The following CTTNBP2NL variants were observed in gnomAD, a reference collection of about 807,000 sequenced individuals.
CTTNBP2NL encodes CTTNBP2 N-terminal like.
Under a neutral mutation model 32.5 loss-of-function variants are expected in CTTNBP2NL, and 16 were observed. The observed-to-expected ratio is 0.49, with a 90% CI of 0.33 to 0.75. CTTNBP2NL has a LOEUF of 0.75. Among genes scored for constraint, CTTNBP2NL ranks in the 30% least tolerant of loss-of-function variants. The pLI is 0.02. For missense variants in CTTNBP2NL, 645 were observed against 756.0 expected, an observed-to-expected ratio of 0.85 and a Z score of 1.72; for synonymous variants, 298 against 289.4, an observed-to-expected ratio of 1.03 and a Z score of -0.30.
chr1:112,428,758 A>G (rs1212156679), intron 3 of CTTNBP2NL, among the ~76,000 whole-genome samples: 1 of 152,128 alleles, frequency 6.6e-6, no homozygotes, highest in Non-Finnish European at 1.5e-5. Context: ...ACCATACTGT[A>G]CTGTAATATT....
chr1:112,425,094 G>A (rs1003813531), intron 3 of CTTNBP2NL, among the ~76,000 whole-genome samples: 12 of 151,556 alleles, frequency 7.9e-5, no homozygotes, highest in Non-Finnish European at 1.6e-4. Context: ...CTCCCAAAGT[G>A]CTGGGATTAC....
intron 1 of CTTNBP2NL, among the ~76,000 whole-genome samples, chr1:112,402,135 C>G (rs965614935): frequency 3.9e-5 from 6 of 152,084 alleles, no homozygotes; most frequent in Admixed American, 1.3e-4. Flanking sequence ...AGGTGAGAGC[C>G]AGGCCAGGCA....
At chr1:112,393,952 A>G (rs1250561870), upstream of CTTNBP2NL, among the ~76,000 whole-genome samples, 4 of 152,192 alleles carry the variant, frequency 2.6e-5, no homozygotes, top group African/African-American at 9.7e-5. Context: ...TACGCCTGTC[A>G]TCCCAGCCAC....
Position 112,461,039 on chromosome 1 carries a change from A to G in CTTNBP2NL, c.*3627A>G, listed in dbSNP as rs549611894. 1 of 152,318 alleles carries G rather than the reference A, an allele frequency of 6.6e-6. No homozygotes were observed. Among genetic ancestry groups the G allele is most frequent in the African/African-American group, 2.4e-5 (1 of 41,576 alleles). 9.4% of individuals were successfully genotyped at this position (152,318 alleles called of 1,614,324 possible). ...AATGAATCAGAAGTGGGCAATGAGC[A>G]TTGTTCCACAGGAATAATTTTTAAT... On this transcript the variant is annotated 3_prime_UTR_variant, in exon 6 of 6. Coordinates refer to ENST00000271277, the MANE Select transcript of CTTNBP2NL (RefSeq NM_018704.3).
At chr1:112,416,293 C>T in intron 3 of CTTNBP2NL, 29 bp downstream of exon 3, 1 of 1,059,864 alleles carries the variant, frequency 9.4e-7, no homozygotes, top group Non-Finnish European at 1.4e-6. Flanking sequence ...AAAAAGAGGT[C>T]ATCATACATT....
chr1:112,407,283 G>T (rs186820531), intron 1 of CTTNBP2NL, among the ~76,000 whole-genome samples: 16 of 152,312 alleles, frequency 1.1e-4, no homozygotes, highest in Non-Finnish European at 2.1e-4. Flanking sequence ...CATGTTGTGT[G>T]AGTTTGCTAG....
At chr1:112,454,358 C>T (rs1650306940) in intron 4 of CTTNBP2NL, 91 bp from the exon 5 acceptor site, 1 of 895,220 alleles carries the variant, frequency 1.1e-6, no homozygotes, top group African/African-American at 1.7e-5. Flanking sequence ...CTGGAACTAT[C>T]TAAGGTGCCT....
At chr1:112,408,220 ATTTT>A (rs397981257) in intron 1 of CTTNBP2NL, among the ~76,000 whole-genome samples, 1 of 103,758 alleles carries the variant, frequency 9.6e-6, no homozygotes, top group Non-Finnish European at 1.9e-5. Context: ...TTTTTTTTTA[ATTTT>A]TTTTTTTTTT....
At chr1:112,421,159 C>T (rs532001907) in intron 3 of CTTNBP2NL, among the ~76,000 whole-genome samples, 2 of 152,028 alleles carry the variant, frequency 1.3e-5, no homozygotes, top group South Asian at 2.1e-4. Context: ...CTAATAAGGC[C>T]AGGCACTGTG....
At chr1:112,434,158 C>T (rs891506404) in intron 3 of CTTNBP2NL, among the ~76,000 whole-genome samples, 1 of 152,236 alleles carries the variant, frequency 6.6e-6, no homozygotes, top group Non-Finnish European at 1.5e-5. Context: ...CTCTCTTCCT[C>T]AGTGGGTGAT....
chr1:112,454,719 T>G lies in CTTNBP2NL; in HGVS notation c.438+163T>G, dbSNP rs112574932. Reference sequence around the variant, plus strand: ...AAAGTTAAACAGGTTTCTAACTTTGTTAGGATCTTTAGTATGCAGAAGCAC... The same window carrying G: ...AAAGTTAAACAGGTTTCTAACTTTGGTAGGATCTTTAGTATGCAGAAGCAC... On this transcript the variant is annotated intron_variant, in intron 5 of 5. Coordinates refer to ENST00000271277, the MANE Select transcript of CTTNBP2NL (RefSeq NM_018704.3). Among the ~76,000 whole-genome samples, 2,068 of 152,338 alleles carry G rather than the reference T, an allele frequency of 0.014. 44 individuals are homozygous for G. Among genetic ancestry groups the G allele is most frequent in the African/African-American group, 0.047 (1,953 of 41,558 alleles).
intron 1 of CTTNBP2NL, among the ~76,000 whole-genome samples, chr1:112,401,991 G>A (rs1207193879): frequency 3.3e-5 from 5 of 152,200 alleles, no homozygotes; most frequent in Admixed American, 3.3e-4. Context: ...GAAAGCACAG[G>A]ATGATGGGGT....
chr1:112,414,523 A>C (rs938839654), intron 2 of CTTNBP2NL, among the ~76,000 whole-genome samples: 2 of 152,198 alleles, frequency 1.3e-5, no homozygotes, highest in Non-Finnish European at 2.9e-5. Flanking sequence ...GAAGGAATCA[A>C]TTCTTTTTTT....
At chr1:112,393,251 G>A (rs530981832), upstream of CTTNBP2NL, among the ~76,000 whole-genome samples, 2,145 of 152,230 alleles carry the variant, frequency 0.014, 54 homozygotes, top group African/African-American at 0.048. Context: ...TATAGTTGAT[G>A]ACAGAATAAG....
At chr1:112,425,614 A>C (rs920874012) in intron 3 of CTTNBP2NL, among the ~76,000 whole-genome samples, 3 of 152,102 alleles carry the variant, frequency 2.0e-5, no homozygotes, top group Non-Finnish European at 4.4e-5. Context: ...CTATAATCCC[A>C]GTATTTTGGG....
At chr1:112,427,845 G>C (rs933284993) in intron 3 of CTTNBP2NL, among the ~76,000 whole-genome samples, 2 of 149,398 alleles carry the variant, frequency 1.3e-5, no homozygotes, top group African/African-American at 5.0e-5. Context: ...GCAGTGAGCC[G>C]AGATCGCGCC....
chr1:112,424,034 C>T (rs1452969215), intron 3 of CTTNBP2NL, among the ~76,000 whole-genome samples: 2 of 152,088 alleles, frequency 1.3e-5, no homozygotes, highest in Non-Finnish European at 2.9e-5. Flanking sequence ...ATCAATTTTT[C>T]TTTTATGGAT....
chr1:112,456,327 G>T lies in CTTNBP2NL; in HGVS notation c.835G>T (p.Ala279Ser). ...AAAGAAGATAGTGAAGGACCTAGAG[G>T]CTTCCCACCAGCACAGTAGCCCTAA... ...SLKKIVKDLE[A>S]SHQHSSPNEQ... The change falls in exon 6 of 6, where the codon GCT becomes TCT. Residue 279 changes from alanine to serine, a missense_variant. Coordinates refer to ENST00000271277, the MANE Select transcript of CTTNBP2NL (RefSeq NM_018704.3). The T allele has an allele frequency of 1.9e-6, 3 of 1,613,948 alleles. No homozygotes were observed. Among genetic ancestry groups the T allele is most frequent in the Non-Finnish European group, 2.5e-6 (3 of 1,180,024 alleles).
At chr1:112,452,435 A>G (rs1272673963) in intron 4 of CTTNBP2NL, among the ~76,000 whole-genome samples, 2 of 138,478 alleles carry the variant, frequency 1.4e-5, no homozygotes, top group Admixed American at 7.9e-5. Flanking sequence ...ACCTCTGCCT[A>G]CTGGGTTCAA....
Sources: gnomAD v4.1 joint callset for allele counts (sites outside exome capture counted in the v4.1 genomes callset) on GRCh38, gnomAD v4.1.1 for gene constraint, MANE v1.5 for transcripts, NCBI Gene and HGNC (gene_info 2026-07-23, HGNC 2026-07-21) for gene names.